Variants in AK3 observed in about 807,000 individuals in gnomAD.
AK3 encodes the protein GTP:AMP phosphotransferase AK3, mitochondrial.
A neutral mutation model predicts 23.7 loss-of-function variants in AK3; 27 were observed. That is an observed-to-expected ratio of 1.14 (90% confidence interval 0.84 to 1.57). The LOEUF (loss-of-function observed/expected upper bound fraction) is 1.57. Ranked by LOEUF, AK3 falls within the 40% of genes most tolerant of loss-of-function variation. The probability of loss-of-function intolerance (pLI) is 0.00; values close to 1 mark genes in which losing one functional copy is unlikely to be tolerated. For missense variants in AK3, 406 were observed against 285.6 expected, an observed-to-expected ratio of 1.42 and a Z score of -3.04; for synonymous variants, 159 against 116.0, an observed-to-expected ratio of 1.37 and a Z score of -2.38.
chr9:4,714,011 C>G lies in AK3; in HGVS notation c.564-915G>C, dbSNP rs996164568. ...ACACATATACGCCTACACATATACA[C>G]CTACACATATACAGCTACACATATA... On this transcript the variant is annotated intron_variant, in intron 4 of 4. Transcript: ENST00000381809. Among the ~76,000 whole-genome samples, 660 of 95,588 alleles carry G rather than the reference C, an allele frequency of 6.9e-3. 53 individuals carry two copies. Among genetic ancestry groups the G allele is most frequent in the Admixed American group, 0.01 (96 of 9,548 alleles). The allele number at this position is 95,588 out of a possible 152,430, so 62.7% of individuals were successfully genotyped here.
intron 1 of AK3, among the ~76,000 whole-genome samples, chr9:4,723,444 T>A (rs1389742698): frequency 3.3e-5 from 5 of 152,226 alleles, no homozygotes; most frequent in African/African-American, 1.2e-4. Flanking sequence ...AGATTAGTAT[T>A]GTGATTATGT....
rs118102752 is a variant in AK3 at position 4,731,389 on chromosome 9, G to A, written c.152-8764C>T. 2.9e-3 allele frequency among the ~76,000 whole-genome samples: 442 copies of A among 152,072 alleles called. 2 individuals are homozygous for A. The highest frequency in any genetic ancestry group is 0.017 in the Middle Eastern group (5 of 292). On this transcript the variant is annotated intron_variant, in intron 1 of 4. Coordinates refer to ENST00000381809, the MANE Select transcript of AK3 (RefSeq NM_016282.4). ...GAGGTATTTGGTTTTCTTTTCCTGC[G>A]TTAGTTTGCTAAGGATAAAGGCCTC...
intron 2 of AK3, 45 bp from the exon 3 acceptor site, chr9:4,719,352 G>C (rs771444644): frequency 4.0e-5 from 15 of 373,476 alleles, no homozygotes; most frequent in Non-Finnish European, 7.3e-5. Context: ...AAGAAAGGAA[G>C]TATGGGGTGG....
intron 1 of AK3, among the ~76,000 whole-genome samples, chr9:4,738,252 G>A (rs1490764389): frequency 5.9e-5 from 9 of 151,980 alleles, no homozygotes; most frequent in Non-Finnish European, 8.8e-5. Flanking sequence ...TGCAACCTCC[G>A]CCTCCCAGTT....
chr9:4,727,034 T>C (rs1437725819), intron 1 of AK3, among the ~76,000 whole-genome samples: 2 of 152,164 alleles, frequency 1.3e-5, no homozygotes, highest in Non-Finnish European at 2.9e-5. Context: ...CTCTCAACAA[T>C]AGTTCTCAAC....
Position 4,712,937 on chromosome 9 carries a change from T to C in AK3, c.*39A>G. 1.3e-6 allele frequency: 2 copies of C among 1,598,764 alleles called. No individual in the cohort carries two copies. The highest frequency in any genetic ancestry group is 8.5e-7 in the Non-Finnish European group (1 of 1,171,976). ...GCTTCTAAATGCAAGGACTAGGAGG[T>C]TTGCCCATCTTACTATTAATAGTTA... On this transcript the variant is annotated 3_prime_UTR_variant, in exon 5 of 5. Transcript: ENST00000381809.
rs1841826937 is a variant in AK3, at chr9:4,719,272, C to G, written c.307G>C (p.Asp103His). 6.6e-7 allele frequency: 1 copy of G among 1,508,032 alleles called. No homozygotes were observed. The highest frequency in any genetic ancestry group is 1.1e-5 in the South Asian group (1 of 89,710). The allele number at this position is 1,508,032 out of a possible 1,614,324, so 93.4% of individuals were successfully genotyped here. The change falls in exon 3 of 5, where the codon GAT (aspartate) becomes CAT (histidine). Residue 103 changes from aspartate (D) to histidine (H), a missense_variant. Asp to His is a moderately conservative substitution (Grantham distance 81, BLOSUM62 -1). Transcript: ENST00000381809. ...ACTGTGTCGATCTGATAAGCTCTAT[C>G]TAGGGCTTCTGCCTGTGGAAGTGTC... Reference protein sequence around the residue: ...PRTLPQAEALDRAYQIDTVIN... With the variant: ...PRTLPQAEALHRAYQIDTVIN...
Position 4,711,447 on chromosome 9 carries a change from T to TA in AK3, c.*1528dup, listed in dbSNP as rs568916441. On this transcript the variant is annotated 3_prime_UTR_variant, in exon 5 of 5. Coordinates refer to ENST00000381809, the MANE Select transcript of AK3 (RefSeq NM_016282.4). ...AATGAAGTGTTTCCTATATTTCTTT[T>TA]AAAAAACCTTGGTTCATCTTGAAAG... 4.4e-4 allele frequency: 67 copies of TA among 152,736 alleles called. No homozygotes were observed. The highest frequency in any genetic ancestry group is 1.5e-3 in the African/African-American group (61 of 41,568). The allele number at this position is 152,736 out of a possible 1,614,324, so 9.5% of individuals were successfully genotyped here.
At chr9:4,728,446 C>T (rs1169108317) in intron 1 of AK3, among the ~76,000 whole-genome samples, 1 of 152,106 alleles carries the variant, frequency 6.6e-6, no homozygotes, top group Non-Finnish European at 1.5e-5. Flanking sequence ...TGGTGCATGC[C>T]TGTAGTCCCA....
intron 4 of AK3, among the ~76,000 whole-genome samples, chr9:4,715,391 C>CCT (rs1554624897): frequency 1.6e-5 from 2 of 127,122 alleles, no homozygotes; most frequent in African/African-American, 6.2e-5. Flanking sequence ...TCCCTTACTA[C>CCT]TTTTTTTTTT....
At chr9:4,735,905 G>A (rs1298194038) in intron 1 of AK3, among the ~76,000 whole-genome samples, 1 of 151,856 alleles carries the variant, frequency 6.6e-6, no homozygotes, top group Middle Eastern at 3.2e-3. Context: ...ACTTGAGGTA[G>A]GAAGTTCGAG....
At chr9:4,737,929 A>G (rs1842335414) in intron 1 of AK3, among the ~76,000 whole-genome samples, 1 of 152,204 alleles carries the variant, frequency 6.6e-6, no homozygotes, top group African/African-American at 2.4e-5. Flanking sequence ...TATAAAATAT[A>G]GCACCCTCAT....
chr9:4,732,871 T>TC (rs1491242831), intron 1 of AK3, among the ~76,000 whole-genome samples: 5 of 27,692 alleles, frequency 1.8e-4, no homozygotes, highest in African/African-American at 2.5e-4. Context: ...TCTCTCTCTC[T>TC]TTTTTTTTTT....
chr9:4,730,302 C>T (rs142935100), intron 1 of AK3, among the ~76,000 whole-genome samples: 82 of 152,200 alleles, frequency 5.4e-4, no homozygotes, highest in African/African-American at 1.8e-3. Flanking sequence ...CTGAATCATA[C>T]ACTTTACAAG....
upstream of AK3, chr9:4,741,696 T>TA (rs1260025883): frequency 2.0e-5 from 3 of 151,614 alleles, no homozygotes; most frequent in Non-Finnish European, 4.4e-5. Context: ...CCCTCGCCCC[T>TA]AGTCCATAGC....
intron 1 of AK3, among the ~76,000 whole-genome samples, chr9:4,732,908 T>C (rs1842188048): frequency 6.6e-6 from 1 of 151,472 alleles, no homozygotes; most frequent in African/African-American, 2.4e-5. Context: ...TGCAGTGGCA[T>C]GATTATAACT....
chr9:4,735,292 A>C lies in AK3; in HGVS notation c.151+5645T>G, dbSNP rs867697786. On this transcript the variant is annotated intron_variant, in intron 1 of 4. Coordinates refer to ENST00000381809, the MANE Select transcript of AK3 (RefSeq NM_016282.4). ...ATATATAAATATATATACATATATA[A>C]ATATATATATACATATATAAATATA... 2.2e-4 allele frequency among the ~76,000 whole-genome samples: 2 copies of C among 9,046 alleles called. 1 individual carries two copies. The highest frequency in any genetic ancestry group is 6.5e-4 in the African/African-American group (2 of 3,054). 5.9% of individuals were successfully genotyped at this position (9,046 alleles called of 152,430 possible).
intron 1 of AK3, among the ~76,000 whole-genome samples, chr9:4,728,321 G>T (rs777639073): frequency 6.6e-6 from 1 of 152,020 alleles, no homozygotes; most frequent in Non-Finnish European, 1.5e-5. Context: ...CTGTAATCCC[G>T]GCACTTTGGG....
chr9:4,716,320 C>A lies in AK3; in HGVS notation c.563+2099G>T, dbSNP rs564142693. 1.5e-3 allele frequency among the ~76,000 whole-genome samples: 225 copies of A among 152,274 alleles called. 1 individual carries two copies. Among genetic ancestry groups the A allele is most frequent in the Non-Finnish European group, 2.9e-3 (197 of 68,024 alleles). Reference sequence around the variant, plus strand: ...ACTGGATCTAATTGTCCATGTGGACCAAGGGCCTAGCACAGTGTCAAGAGA... The same window carrying A: ...ACTGGATCTAATTGTCCATGTGGACAAAGGGCCTAGCACAGTGTCAAGAGA... On this transcript the variant is annotated intron_variant, in intron 4 of 4. Coordinates refer to ENST00000381809, the MANE Select transcript of AK3 (RefSeq NM_016282.4).
Sources: gnomAD v4.1 joint callset for allele counts (sites outside exome capture counted in the v4.1 genomes callset) on GRCh38, gnomAD v4.1.1 for gene constraint, MANE v1.5 for transcripts, NCBI Gene and HGNC (gene_info 2026-07-23, HGNC 2026-07-21) for gene names.